PDZD2: variants seen among roughly 807,000 people sequenced by gnomAD.
PDZD2 encodes the protein PDZ domain containing 2.
Under a neutral mutation model 220.7 loss-of-function variants are expected in PDZD2, and 90 were observed. The ratio of observed to expected loss-of-function variants is 0.41; its 90% CI spans 0.34 to 0.49. The LOEUF is 0.49. Among genes scored for constraint, PDZD2 ranks in the 20% least tolerant of loss-of-function variants. PDZD2 has a pLI of 0.28. For missense variants in PDZD2, 3,174 were observed against 3,608.5 expected (o/e 0.88, Z 3.08); for synonymous variants, 1,375 against 1,450.5 (o/e 0.95, Z 1.18).
intron 7 of PDZD2, among the ~76,000 whole-genome samples, chr5:32,046,363 C>T: frequency 6.6e-6 from 1 of 152,162 alleles, no homozygotes; most frequent in Non-Finnish European, 1.5e-5. Context: ...TGGCCTCAGC[C>T]TCCTGAGTAG....
intron 6 of PDZD2, chr5:32,010,777 C>T (rs1438200499): frequency 4.8e-6 from 2 of 416,184 alleles, no homozygotes; most frequent in African/African-American, 4.1e-5. Flanking sequence ...AGGTGGATCA[C>T]CTGAGGTCAG....
intron 2 of PDZD2, among the ~76,000 whole-genome samples, chr5:31,828,377 T>C (rs545656959): frequency 3.9e-5 from 6 of 152,374 alleles, no homozygotes; most frequent in Non-Finnish European, 7.3e-5. Context: ...GCCATCCTAG[T>C]GGGTGTGAAG....
chr5:31,995,424 G>A (rs1223483762), intron 3 of PDZD2, 152 bp from the exon 4 acceptor site: 1 of 763,090 alleles, frequency 1.3e-6, no homozygotes, highest in East Asian at 2.5e-5. Flanking sequence ...AGAGACTTGG[G>A]TCCAATCGGC....
intron 2 of PDZD2, among the ~76,000 whole-genome samples, chr5:31,829,425 G>A (rs759695353): frequency 6.6e-6 from 1 of 151,234 alleles, no homozygotes; most frequent in Non-Finnish European, 1.5e-5. Context: ...CCTCCCAGGT[G>A]CAAGCTATTC....
At chr5:31,970,186 C>T (rs568201794) in intron 2 of PDZD2, among the ~76,000 whole-genome samples, 70 of 152,140 alleles carry the variant, frequency 4.6e-4, no homozygotes, top group Non-Finnish European at 9.1e-4. Context: ...TGAGCCACCG[C>T]GCCCGGCCCG....
chr5:31,661,132 T>G (rs924854350), intron 1 of PDZD2, among the ~76,000 whole-genome samples: 5 of 152,308 alleles, frequency 3.3e-5, no homozygotes, highest in African/African-American at 1.2e-4. Context: ...AAGGGTTAGC[T>G]CTTCCATTTG....
chr5:31,711,608 T>G (rs1046038457), intron 1 of PDZD2, among the ~76,000 whole-genome samples: 4 of 152,226 alleles, frequency 2.6e-5, no homozygotes, highest in African/African-American at 9.6e-5. Flanking sequence ...GGGTGTTTGC[T>G]GCAGTCTCCA....
At chr5:32,079,870 T>C (rs1483776627) in intron 19 of PDZD2, among the ~76,000 whole-genome samples, 1 of 152,056 alleles carries the variant, frequency 6.6e-6, no homozygotes, top group African/African-American at 2.4e-5. Flanking sequence ...TGATGGCTAC[T>C]CACAGAAAAA....
At chr5:31,862,271 ATTT>A (rs534708263) in intron 2 of PDZD2, among the ~76,000 whole-genome samples, 423 of 151,570 alleles carry the variant, frequency 2.8e-3, no homozygotes, top group African/African-American at 9.9e-3. Context: ...CACCCGGCTA[ATTT>A]TTTTATTTTT....
intron 7 of PDZD2, among the ~76,000 whole-genome samples, chr5:32,044,649 G>A (rs1207272548): frequency 6.6e-6 from 1 of 152,182 alleles, no homozygotes; most frequent in African/African-American, 2.4e-5. Flanking sequence ...TCTGACAGTC[G>A]CAATGCTTCA....
chr5:32,069,127 G>T (rs185865663), intron 14 of PDZD2, among the ~76,000 whole-genome samples: 5 of 151,914 alleles, frequency 3.3e-5, no homozygotes, highest in African/African-American at 1.2e-4. Context: ...TTAGCCAGGC[G>T]TGGTGGTGCG....
rs200673096 is a variant in PDZD2 at position 32,010,356 on chromosome 5, G to A, written c.1281G>A (p.Arg427=). The change falls in exon 6 of 25, where the codon AGG becomes AGA. Residue 427 remains arginine (R), a synonymous_variant. Transcript: ENST00000438447. The part of the protein sequence containing the change: ...SKENSAEDLL[R]LTSKSLPDLT... Reference sequence around the variant, plus strand: ...AAAACTCCGCAGAGGACCTCCTCAGGTTAACATCTAAGAGCTTGCCAGATC... The same window carrying A: ...AAAACTCCGCAGAGGACCTCCTCAGATTAACATCTAAGAGCTTGCCAGATC... 1 of 1,608,860 alleles carries A rather than the reference G, an allele frequency of 6.2e-7. No homozygotes were observed. The highest frequency in any genetic ancestry group is 8.5e-7 in the Non-Finnish European group (1 of 1,175,838).
At chr5:31,774,405 CAAA>C (rs762042085) in intron 1 of PDZD2, among the ~76,000 whole-genome samples, 22 of 137,354 alleles carry the variant, frequency 1.6e-4, no homozygotes, top group Middle Eastern at 3.5e-3. Context: ...AAAAAGAAAA[CAAA>C]GAAGATAAAA....
chr5:31,830,332 ATTTTT>A (rs11447724), intron 2 of PDZD2, among the ~76,000 whole-genome samples: 1 of 123,736 alleles, frequency 8.1e-6, no homozygotes. Flanking sequence ...CGCCCAGCTA[ATTTTT>A]TTTTTTTTTT....
chr5:31,998,745 C>T (rs1261305232), intron 4 of PDZD2, among the ~76,000 whole-genome samples: 2 of 152,216 alleles, frequency 1.3e-5, no homozygotes, highest in African/African-American at 4.8e-5. Context: ...TAAAAAACAT[C>T]ACCAAAAAAT....
At chr5:31,851,587 C>G (rs1758058558) in intron 2 of PDZD2, among the ~76,000 whole-genome samples, 1 of 152,192 alleles carries the variant, frequency 6.6e-6, no homozygotes, top group African/African-American at 2.4e-5. Flanking sequence ...GTTAACGTAT[C>G]AGCAGTTCCC....
At chr5:31,848,778 G>A (rs1461123619) in intron 2 of PDZD2, among the ~76,000 whole-genome samples, 2 of 145,734 alleles carry the variant, frequency 1.4e-5, no homozygotes, top group Non-Finnish European at 1.5e-5. Flanking sequence ...GGCCGGGCAC[G>A]GTGGCTCACA....
At chr5:31,958,866 G>A (rs10064413) in intron 2 of PDZD2, among the ~76,000 whole-genome samples, 41,444 of 152,002 alleles carry the variant, frequency 0.27, 5,898 homozygotes, top group Middle Eastern at 0.4. Context: ...GACCTCAAGC[G>A]ATCCTCCTGC....
chr5:31,723,912 C>G (rs1216606779), intron 1 of PDZD2, among the ~76,000 whole-genome samples: 1 of 152,076 alleles, frequency 6.6e-6, no homozygotes, highest in East Asian at 1.9e-4. Flanking sequence ...GCCACCGTGC[C>G]CAGCCCTCAA....
Sources: allele counts gnomAD v4.1 joint callset (sites outside exome capture counted in the v4.1 genomes callset), GRCh38; gene constraint gnomAD v4.1.1; transcripts MANE v1.5; gene names NCBI Gene and HGNC (gene_info 2026-07-23, HGNC 2026-07-21).